Variants in ZNF609 observed in about 807,000 individuals in gnomAD.
ZNF609 encodes zinc finger protein 609.
A neutral mutation model predicts 109.5 loss-of-function variants in ZNF609; 11 were observed. The observed-to-expected ratio is 0.10, with a 90% CI of 0.06 to 0.17. The LOEUF (loss-of-function observed/expected upper bound fraction) is 0.17, where lower values mean the gene tolerates loss of function less well. Among genes scored for constraint, ZNF609 ranks in the 10% least tolerant of loss-of-function variants. The probability of loss-of-function intolerance (pLI) is 1.00; values close to 1 mark genes in which losing one functional copy is unlikely to be tolerated. For missense variants in ZNF609, 1,559 were observed against 1,772.4 expected, an observed-to-expected ratio of 0.88 and a Z score of 2.16; for synonymous variants, 646 against 662.0, an observed-to-expected ratio of 0.98 and a Z score of 0.37.
chr15:64,495,663 G>A (rs1812977571), intron 1 of ZNF609, among the ~76,000 whole-genome samples: 1 of 151,678 alleles, frequency 6.6e-6, no homozygotes, highest in Admixed American at 6.6e-5. Context: ...GGGCCTCCAG[G>A]TGGAGGCCCA....
intron 2 of ZNF609, among the ~76,000 whole-genome samples, chr15:64,561,466 C>G (rs1210712244): frequency 6.6e-6 from 1 of 151,590 alleles, no homozygotes; most frequent in Non-Finnish European, 1.5e-5. Context: ...CTCTTAAGAC[C>G]TAGTGTTTCT....
intron 2 of ZNF609, among the ~76,000 whole-genome samples, chr15:64,609,476 C>T (rs965665486): frequency 7.3e-5 from 11 of 150,342 alleles, no homozygotes; most frequent in Admixed American, 1.3e-4. Context: ...CCACCGCGCC[C>T]GGCCGTATTT....
chr15:64,577,101 C>A (rs9745109), intron 2 of ZNF609, among the ~76,000 whole-genome samples: 1 of 119,074 alleles, frequency 8.4e-6, no homozygotes, highest in Non-Finnish European at 1.7e-5. Context: ...TGTATATATA[C>A]ACACAAATAT....
intron 2 of ZNF609, among the ~76,000 whole-genome samples, chr15:64,584,014 A>T (rs1360206760): frequency 6.6e-6 from 1 of 152,126 alleles, no homozygotes; most frequent in Non-Finnish European, 1.5e-5. Context: ...TGGTTTTCAC[A>T]TCTCTTGTCT....
At chr15:64,500,189 T>G (rs1893541646) in intron 2 of ZNF609, 23 bp downstream of exon 2, 5 of 1,609,286 alleles carry the variant, frequency 3.1e-6, no homozygotes, top group Non-Finnish European at 4.2e-6. Flanking sequence ...CAGATATGGC[T>G]GCCCACTGAC....
At chr15:64,604,092 C>A (rs930542456) in intron 2 of ZNF609, among the ~76,000 whole-genome samples, 6 of 151,538 alleles carry the variant, frequency 4.0e-5, no homozygotes, top group Admixed American at 1.3e-4. Flanking sequence ...ATACTTACCT[C>A]TTTTGCATTC....
At chr15:64,472,675 G>T (rs1363905505) in intron 1 of ZNF609, among the ~76,000 whole-genome samples, 1 of 152,028 alleles carries the variant, frequency 6.6e-6, no homozygotes, top group Non-Finnish European at 1.5e-5. Flanking sequence ...GGCCAACCTG[G>T]ACAACATAGA....
intron 6 of ZNF609, among the ~76,000 whole-genome samples, chr15:64,678,814 G>A (rs760558383): frequency 6.6e-5 from 10 of 152,192 alleles, no homozygotes; most frequent in African/African-American, 9.7e-5. Context: ...TATACTCCAC[G>A]TTTTGCAGTG....
intron 2 of ZNF609, among the ~76,000 whole-genome samples, chr15:64,544,044 T>C (rs536736461): frequency 2.0e-5 from 3 of 151,986 alleles, no homozygotes; most frequent in African/African-American, 7.2e-5. Flanking sequence ...CAGCAGAAAA[T>C]TTTTCAACTT....
intron 2 of ZNF609, among the ~76,000 whole-genome samples, chr15:64,543,632 C>T (rs1421197223): frequency 6.6e-6 from 1 of 151,760 alleles, no homozygotes; most frequent in East Asian, 1.9e-4. Flanking sequence ...TTAGTAGAGA[C>T]GGGGTTTCAC....
chr15:64,653,847 C>T (rs1330056479), intron 3 of ZNF609, among the ~76,000 whole-genome samples: 1 of 152,050 alleles, frequency 6.6e-6, no homozygotes, highest in African/African-American at 2.4e-5. Flanking sequence ...TCACACTCTC[C>T]TAGACTGGGA....
intron 3 of ZNF609, among the ~76,000 whole-genome samples, chr15:64,649,378 A>G (rs1221547370): frequency 4.6e-5 from 7 of 152,142 alleles, no homozygotes; most frequent in Non-Finnish European, 1.0e-4. Context: ...TGTCTCACAC[A>G]TACACACACA....
At chr15:64,552,474 C>G (rs890046861) in intron 2 of ZNF609, among the ~76,000 whole-genome samples, 2 of 152,006 alleles carry the variant, frequency 1.3e-5, no homozygotes, top group African/African-American at 4.8e-5. Context: ...CAGGTTCAAG[C>G]AGTTCTGCTG....
At chr15:64,680,570 T>G (rs1896869233) in intron 7 of ZNF609, 76 bp from the exon 8 acceptor site, 3 of 1,313,118 alleles carry the variant, frequency 2.3e-6, no homozygotes, top group South Asian at 1.4e-5. Flanking sequence ...CTTGTGTGTG[T>G]GTGTGTGTGT....
intron 2 of ZNF609, among the ~76,000 whole-genome samples, chr15:64,616,590 G>A (rs1285681919): frequency 7.1e-6 from 1 of 141,750 alleles, no homozygotes; most frequent in Non-Finnish European, 1.5e-5. Flanking sequence ...CGTGATCTCG[G>A]CTCACTGCAA....
chr15:64,577,345 G>A (rs1196852662), intron 2 of ZNF609, among the ~76,000 whole-genome samples: 12 of 10,600 alleles, frequency 1.1e-3, no homozygotes, highest in Admixed American at 2.3e-3. Context: ...ACATATATAT[G>A]TATATATATA....
chr15:64,584,657 G>T (rs1209013540), intron 2 of ZNF609, among the ~76,000 whole-genome samples: 2 of 151,372 alleles, frequency 1.3e-5, no homozygotes, highest in Non-Finnish European at 2.9e-5. Flanking sequence ...TTGAGACGGA[G>T]TTTCACTCTT....
intron 1 of ZNF609, among the ~76,000 whole-genome samples, chr15:64,472,376 A>G (rs1186507544): frequency 6.6e-6 from 1 of 152,194 alleles, no homozygotes; most frequent in Admixed American, 6.5e-5. Flanking sequence ...ACCACATTTC[A>G]TGCTGGTACC....
At chr15:64,605,903 T>C (rs1181747926) in intron 2 of ZNF609, among the ~76,000 whole-genome samples, 1 of 5,564 alleles carries the variant, frequency 1.8e-4, no homozygotes, top group African/African-American at 3.0e-4. Context: ...CCGGCTAATC[T>C]TTTTTTTTTT....
Sources: allele counts gnomAD v4.1 joint callset (sites outside exome capture counted in the v4.1 genomes callset), GRCh38; gene constraint gnomAD v4.1.1; transcripts MANE v1.5; gene names NCBI Gene and HGNC (gene_info 2026-07-23, HGNC 2026-07-21).